Variants in TSHZ2 observed in about 807,000 individuals in gnomAD.
The protein encoded by TSHZ2 is teashirt zinc finger homeobox 2, also known as teashirt homolog 2.
Under a neutral mutation model 74.4 loss-of-function variants are expected in TSHZ2, and 21 were observed. That is an observed-to-expected ratio of 0.28 (90% confidence interval 0.20 to 0.41). The LOEUF is 0.41. TSHZ2 is among the 10% of genes least tolerant of loss of function. The pLI is 1.00. For missense variants in TSHZ2, 1,244 were observed against 1,293.5 expected, an observed-to-expected ratio of 0.96 and a Z score of 0.59; for synonymous variants, 540 against 515.3, an observed-to-expected ratio of 1.05 and a Z score of -0.65.
intron 1 of TSHZ2, chr20:53,198,034 T>A (rs184917485): frequency 6.6e-6 from 1 of 152,238 alleles, no homozygotes; most frequent in Non-Finnish European, 1.5e-5. Flanking sequence ...TCCAATTCGT[T>A]CCCTTGAATA....
intron 1 of TSHZ2, among the ~76,000 whole-genome samples, chr20:53,197,279 A>G (rs998491089): frequency 1.4e-4 from 21 of 152,246 alleles, no homozygotes; most frequent in African/African-American, 4.8e-4. Flanking sequence ...CATTAATAAC[A>G]TATGGTATAG....
chr20:53,113,031 A>T (rs1283740180), intron 1 of TSHZ2, among the ~76,000 whole-genome samples: 1 of 152,230 alleles, frequency 6.6e-6, no homozygotes, highest in Non-Finnish European at 1.5e-5. Flanking sequence ...AGATTTATGC[A>T]AAGTTTAAGA....
At chr20:53,042,141 A>G (rs1984062393) in intron 1 of TSHZ2, among the ~76,000 whole-genome samples, 1 of 152,176 alleles carries the variant, frequency 6.6e-6, no homozygotes, top group Non-Finnish European at 1.5e-5. Context: ...TTCTGTGTGT[A>G]TGTATATAAA....
intron 2 of TSHZ2, among the ~76,000 whole-genome samples, chr20:53,476,292 A>G (rs1479885626): frequency 1.4e-5 from 2 of 140,974 alleles, no homozygotes; most frequent in African/African-American, 5.4e-5. Context: ...CCAGCAGCAC[A>G]TCAAAAAGCT....
rs2145876040 is a variant in TSHZ2, at chr20:53,494,929, C to G, written c.*7794C>G. 1 of 151,796 alleles carries G rather than the reference C, an allele frequency of 6.6e-6. No homozygotes were observed. The highest frequency in any genetic ancestry group is 2.4e-5 in the African/African-American group (1 of 41,394). 9.4% of individuals were successfully genotyped at this position (151,796 alleles called of 1,614,324 possible). On this transcript the variant is annotated 3_prime_UTR_variant, in exon 3 of 3. Coordinates refer to ENST00000371497, the MANE Select transcript of TSHZ2 (RefSeq NM_173485.6). ...CCGTATCGTAATTTGCATCAGGAAA[C>G]CCAACTGCTGACATTGAGGACCTGG...
chr20:53,293,827 A>G (rs62208305), intron 2 of TSHZ2, among the ~76,000 whole-genome samples: 10,359 of 151,956 alleles, frequency 0.068, 438 homozygotes, highest in Middle Eastern at 0.12. Context: ...ACCATCCTGG[A>G]CAACATGGTG....
At chr20:52,975,253 T>C (rs1020309088) in intron 1 of TSHZ2, among the ~76,000 whole-genome samples, 2 of 148,730 alleles carry the variant, frequency 1.3e-5, no homozygotes, top group African/African-American at 4.9e-5. Flanking sequence ...AAATTACTCT[T>C]TTTTTTTTTC....
chr20:53,448,432 A>G (rs1374524993), intron 2 of TSHZ2, among the ~76,000 whole-genome samples: 6 of 152,206 alleles, frequency 3.9e-5, no homozygotes, highest in Admixed American at 3.9e-4. Context: ...CCTGGATACT[A>G]TCAGGGAGTC....
At chr20:53,251,841 T>C (rs1990338640) in intron 1 of TSHZ2, among the ~76,000 whole-genome samples, 1 of 152,230 alleles carries the variant, frequency 6.6e-6, no homozygotes, top group Non-Finnish European at 1.5e-5. Context: ...GCTTAACCTT[T>C]AGCCTTTGGG....
intron 2 of TSHZ2, among the ~76,000 whole-genome samples, chr20:53,438,697 A>G (rs1344856619): frequency 3.9e-5 from 6 of 152,194 alleles, no homozygotes. Context: ...GCAGTGGCTC[A>G]CGCCTGTAAT....
chr20:53,069,927 C>A (rs902998016), intron 1 of TSHZ2, among the ~76,000 whole-genome samples: 8 of 152,170 alleles, frequency 5.3e-5, no homozygotes, highest in Admixed American at 1.3e-4. Context: ...CACTTAGGGT[C>A]CCGTTCCAAC....
intron 1 of TSHZ2, among the ~76,000 whole-genome samples, chr20:53,091,607 G>T (rs1210035801): frequency 1.3e-5 from 2 of 152,170 alleles, no homozygotes; most frequent in Non-Finnish European, 2.9e-5. Context: ...CCTTACCTTA[G>T]ATTTTTGAAG....
chr20:53,252,177 A>T (rs376876065), intron 1 of TSHZ2, among the ~76,000 whole-genome samples: 79 of 152,314 alleles, frequency 5.2e-4, no homozygotes, highest in African/African-American at 1.6e-3. Context: ...GGAGTTGCTG[A>T]TTGTAGCTGC....
At chr20:53,455,263 G>A (rs1335761140) in intron 2 of TSHZ2, 2 of 152,180 alleles carry the variant, frequency 1.3e-5, no homozygotes, top group Non-Finnish European at 2.9e-5. Context: ...CACCTCATCT[G>A]ACGTGGTCTT....
At chr20:53,192,555 GT>G (rs1189650270) in intron 1 of TSHZ2, among the ~76,000 whole-genome samples, 2 of 142,528 alleles carry the variant, frequency 1.4e-5, no homozygotes, top group African/African-American at 5.3e-5. Context: ...GGACAATTTA[GT>G]GTCTGGAAAA....
chr20:53,066,318 G>C (rs907033963), intron 1 of TSHZ2, among the ~76,000 whole-genome samples: 2 of 152,124 alleles, frequency 1.3e-5, no homozygotes, highest in African/African-American at 4.8e-5. Context: ...ACACAGAGCT[G>C]CTTCTCCGCT....
chr20:53,470,759 G>GT (rs1944243426), intron 2 of TSHZ2, among the ~76,000 whole-genome samples: 1 of 152,144 alleles, frequency 6.6e-6, no homozygotes, highest in Non-Finnish European at 1.5e-5. Context: ...GTTGCAGTGA[G>GT]CGGAGATTGC....
chr20:53,462,955 C>T (rs1176091717), intron 2 of TSHZ2, among the ~76,000 whole-genome samples: 1 of 152,142 alleles, frequency 6.6e-6, no homozygotes, highest in East Asian at 1.9e-4. Flanking sequence ...CTGATCATCC[C>T]CATCTCCCTT....
At chr20:53,293,700 C>CAA (rs11476117) in intron 2 of TSHZ2, among the ~76,000 whole-genome samples, 10,061 of 120,082 alleles carry the variant, frequency 0.084, 465 homozygotes, top group East Asian at 0.18. Context: ...AACTGGCTCT[C>CAA]AAAAAAAAAA....
Sources: allele counts gnomAD v4.1 joint callset (sites outside exome capture counted in the v4.1 genomes callset), GRCh38; gene constraint gnomAD v4.1.1; transcripts MANE v1.5; gene names NCBI Gene and HGNC (gene_info 2026-07-23, HGNC 2026-07-21).